Variants in KCNIP4 observed in about 807,000 individuals in gnomAD.
KCNIP4 encodes potassium voltage-gated channel interacting protein 4.
Under a neutral mutation model 34.0 loss-of-function variants are expected in KCNIP4, and 12 were observed. The ratio of observed to expected loss-of-function variants is 0.35; its 90% CI spans 0.23 to 0.57. The LOEUF (loss-of-function observed/expected upper bound fraction) is 0.57, where lower values mean the gene tolerates loss of function less well. Ranked by LOEUF, KCNIP4 falls within the 20% of genes least tolerant of loss-of-function variation. KCNIP4 has a pLI of 0.83. For synonymous variants in KCNIP4, 124 were observed against 102.2 expected (o/e 1.21, Z -1.29); for missense variants, 238 against 311.7 (o/e 0.76, Z 1.78).
intron 3 of KCNIP4, among the ~76,000 whole-genome samples, chr4:20,789,100 G>A (rs189568334): frequency 4.0e-4 from 61 of 152,216 alleles, no homozygotes; most frequent in Admixed American, 1.4e-3. Flanking sequence ...TGTCCTGTCT[G>A]TCTATAGCAG....
intron 1 of KCNIP4, among the ~76,000 whole-genome samples, chr4:21,924,336 C>T (rs920083655): frequency 3.3e-5 from 5 of 149,946 alleles, no homozygotes; most frequent in African/African-American, 9.8e-5. Flanking sequence ...CTCTGCCTCC[C>T]CGGTTCACGC....
chr4:21,519,165 A>G (rs1221022303), intron 1 of KCNIP4, among the ~76,000 whole-genome samples: 1 of 151,928 alleles, frequency 6.6e-6, no homozygotes, highest in Non-Finnish European at 1.5e-5. Context: ...GGTGATTGAG[A>G]CTTAAGGGTG....
chr4:20,770,223 C>T (rs771028955), intron 3 of KCNIP4, among the ~76,000 whole-genome samples: 2 of 152,110 alleles, frequency 1.3e-5, no homozygotes, highest in African/African-American at 4.8e-5. Context: ...TATTTCTTGG[C>T]ACCTGCCATA....
At chr4:21,678,054 A>G (rs1407060573) in intron 1 of KCNIP4, among the ~76,000 whole-genome samples, 1 of 152,004 alleles carries the variant, frequency 6.6e-6, no homozygotes. Flanking sequence ...GCCTGGCCCC[A>G]CTGTTTCTAT....
chr4:21,371,869 G>A (rs537320456), intron 1 of KCNIP4, among the ~76,000 whole-genome samples: 1 of 147,184 alleles, frequency 6.8e-6, no homozygotes, highest in East Asian at 2.0e-4. Flanking sequence ...GATAATATAA[G>A]AATCAAAATA....
chr4:20,876,738 A>G (rs1405960213), intron 2 of KCNIP4, among the ~76,000 whole-genome samples: 2 of 151,936 alleles, frequency 1.3e-5, no homozygotes, highest in East Asian at 3.9e-4. Context: ...ACGCCCAGCT[A>G]ATTTTTTGTA....
At chr4:21,397,502 T>C (rs1006751934) in intron 1 of KCNIP4, among the ~76,000 whole-genome samples, 4 of 152,268 alleles carry the variant, frequency 2.6e-5, no homozygotes, top group Admixed American at 6.5e-5. Context: ...CATTTATCTA[T>C]GTAACAAACC....
chr4:21,890,127 C>T (rs999558164), intron 1 of KCNIP4, among the ~76,000 whole-genome samples: 6 of 152,040 alleles, frequency 3.9e-5, no homozygotes, highest in Non-Finnish European at 7.4e-5. Flanking sequence ...AAATGAAGAC[C>T]TGTCTTAATG....
intron 1 of KCNIP4, among the ~76,000 whole-genome samples, chr4:21,783,371 G>A (rs1719693942): frequency 6.6e-6 from 1 of 152,020 alleles, no homozygotes; most frequent in South Asian, 2.1e-4. Flanking sequence ...CAAAGCACCA[G>A]AGAGGAATAA....
intron 1 of KCNIP4, among the ~76,000 whole-genome samples, chr4:21,001,230 A>C (rs1019612734): frequency 2.6e-5 from 4 of 152,204 alleles, no homozygotes; most frequent in African/African-American, 9.7e-5. Flanking sequence ...TCACCCTTAA[A>C]TATTTTGTAT....
At chr4:21,548,714 G>A (rs1738335751) in intron 1 of KCNIP4, among the ~76,000 whole-genome samples, 2 of 152,136 alleles carry the variant, frequency 1.3e-5, no homozygotes, top group African/African-American at 2.4e-5. Flanking sequence ...AATTACTTGG[G>A]CAGAATGGGG....
At chr4:21,444,082 T>G (rs1379219090) in intron 1 of KCNIP4, among the ~76,000 whole-genome samples, 2 of 152,030 alleles carry the variant, frequency 1.3e-5, no homozygotes, top group Non-Finnish European at 2.9e-5. Context: ...CAGGAAGAAG[T>G]TGAATCTCTG....
At chr4:20,765,299 A>T (rs1755299803) in intron 3 of KCNIP4, among the ~76,000 whole-genome samples, 1 of 152,148 alleles carries the variant, frequency 6.6e-6, no homozygotes, top group Non-Finnish European at 1.5e-5. Context: ...CTGAAAACAT[A>T]GTCTCCTGGA....
At chr4:21,099,123 T>A (rs1747711141) in intron 1 of KCNIP4, among the ~76,000 whole-genome samples, 1 of 152,190 alleles carries the variant, frequency 6.6e-6, no homozygotes, top group South Asian at 2.1e-4. Flanking sequence ...ACTGGGTATA[T>A]GCCCAAAGAA....
chr4:21,742,517 T>C (rs1716484034), intron 1 of KCNIP4, among the ~76,000 whole-genome samples: 1 of 152,180 alleles, frequency 6.6e-6, no homozygotes, highest in South Asian at 2.1e-4. Context: ...TCCTCAGTCT[T>C]TTATGAGTTT....
chr4:21,606,922 C>T (rs1348538558), intron 1 of KCNIP4, among the ~76,000 whole-genome samples: 1 of 152,094 alleles, frequency 6.6e-6, no homozygotes, highest in African/African-American at 2.4e-5. Context: ...TTACTCCAAT[C>T]TTCCCTCTGA....
Position 21,766,310 on chromosome 4 carries a change from A to T in KCNIP4, c.61+182261T>A, listed in dbSNP as rs563902531. ...TTTACTATCTCAATAATAACCCTTG[A>T]GACAGTTTCCCTTACCCACTTTATG... On this transcript the variant is annotated intron_variant, in intron 1 of 8. Transcript: ENST00000382152. Among the ~76,000 whole-genome samples, 13 of 152,296 alleles carry T rather than the reference A, an allele frequency of 8.5e-5. No homozygotes were observed. In the East Asian group the frequency reaches 2.5e-3, roughly 29 times the overall value.
Position 21,115,079 on chromosome 4 carries a change from G to A in KCNIP4, c.62-232370C>T, listed in dbSNP as rs551702322. Among the ~76,000 whole-genome samples the A allele has an allele frequency of 1.2e-4, 18 of 152,230 alleles. No homozygotes were observed. In the East Asian group the frequency reaches 3.5e-3, roughly 29 times the overall value. On this transcript the variant is annotated intron_variant, in intron 1 of 8. Coordinates refer to ENST00000382152, the MANE Select transcript of KCNIP4 (RefSeq NM_025221.6). The stretch of plus-strand genomic sequence containing the variant: ...CCCATGTTCCTTAAAGTTCTTACAA[G>A]GGCCCAGTTCACTTTTGTCCCTTCC...
chr4:21,235,312 T>C (rs1560200636), intron 1 of KCNIP4, among the ~76,000 whole-genome samples: 1 of 152,178 alleles, frequency 6.6e-6, no homozygotes, highest in Non-Finnish European at 1.5e-5. Context: ...CCTGTGCTGA[T>C]GGGAGCTTGA....
Sources: allele counts gnomAD v4.1 joint callset (sites outside exome capture counted in the v4.1 genomes callset), GRCh38; gene constraint gnomAD v4.1.1; transcripts MANE v1.5; gene names NCBI Gene and HGNC (gene_info 2026-07-23, HGNC 2026-07-21).